Variants in LGI3 observed in about 807,000 individuals in gnomAD.
The protein encoded by LGI3 is leucine-rich repeat LGI family member 3.
In LGI3, 47 loss-of-function variants were observed where a neutral mutation model predicts 55.4. The ratio of observed to expected loss-of-function variants is 0.85; its 90% CI spans 0.67 to 1.08. LGI3 has a LOEUF of 1.08. Ranked by LOEUF, LGI3 falls within the 50% of genes least tolerant of loss-of-function variation. The probability of loss-of-function intolerance (pLI) is 0.00; values close to 1 mark genes in which losing one functional copy is unlikely to be tolerated. For synonymous variants in LGI3, 326 were observed against 315.0 expected, an observed-to-expected ratio of 1.04 and a Z score of -0.37; for missense variants, 664 against 726.3, an observed-to-expected ratio of 0.91 and a Z score of 0.99.
In LGI3 at chr8:22,156,657, GC is replaced by G; in HGVS notation, c.-116del. The G allele has an allele frequency of 3.5e-6, 1 of 285,276 alleles. No individual in the cohort carries two copies. Among genetic ancestry groups the G allele is most frequent in the Non-Finnish European group, 6.2e-6 (1 of 160,332 alleles). The allele number at this position is 285,276 out of a possible 1,614,324, so 17.7% of individuals were successfully genotyped here. The stretch of plus-strand genomic sequence containing the variant: ...CCTGCCACCGGCAGCTGCTACCGCA[GC>G]CAGGGGCCCGCCTGCGGACTCCTCC... On this transcript the variant is annotated 5_prime_UTR_variant, in exon 1 of 8. Coordinates refer to ENST00000306317, the MANE Select transcript of LGI3 (RefSeq NM_139278.4).
chr8:22,156,618 C>A lies in LGI3; in HGVS notation c.-76G>T, dbSNP rs1008663210. 22 of 413,470 alleles carry A rather than the reference C, an allele frequency of 5.3e-5. No individual in the cohort carries two copies. The highest frequency in any genetic ancestry group is 7.4e-5 in the Non-Finnish European group (20 of 269,308). The allele number at this position is 413,470 out of a possible 1,614,324, so 25.6% of individuals were successfully genotyped here. A position where few individuals can be genotyped will look rare whatever the true frequency, so the allele number is the denominator to read the frequency against. On this transcript the variant is annotated 5_prime_UTR_variant, in exon 1 of 8. Transcript: ENST00000306317. ...GCTCCCGCGGCTGGGCCACCCCGCGCGGGCTGGCACCTCCCTGCCACCGGC... is the reference window on the plus strand; with the variant it reads ...GCTCCCGCGGCTGGGCCACCCCGCGAGGGCTGGCACCTCCCTGCCACCGGC...
rs931490191 is a variant in LGI3 at position 22,154,422 on chromosome 8, G to C, written c.350+138C>G. ...CCTTCTGCTCAGGTCCTGCCATCAC[G>C]GGATGCAAGGGCTCTCGCCTCCCAT... On this transcript the variant is annotated intron_variant, in intron 3 of 7. Transcript: ENST00000306317. The C allele has an allele frequency of 3.1e-5, 26 of 839,884 alleles. No homozygotes were observed. The Middle Eastern group carries it at 1.1e-3, about 35-fold the overall frequency. 52.0% of individuals were successfully genotyped at this position (839,884 alleles called of 1,614,324 possible). A position where few individuals can be genotyped will look rare whatever the true frequency, so the allele number is the denominator to read the frequency against.
Position 22,156,466 on chromosome 8 carries a change from A to C in LGI3, c.77T>G (p.Leu26Arg). ...ALSALGFCLM[L>R]QVSAKRPPKT... ...GGGGGGCCTCTTAGCGCTGACTTGC[A>C]GCATGAGGCAGAAGCCGAGCGCGGA... is the stretch of plus-strand genomic sequence containing the variant. Residue 26 changes from leucine to arginine, a missense_variant, in exon 1 of 8, where the codon CTG becomes CGG. Coordinates refer to ENST00000306317, the MANE Select transcript of LGI3 (RefSeq NM_139278.4). 1 of 1,502,284 alleles carries C rather than the reference A, an allele frequency of 6.7e-7. No individual in the cohort carries two copies. Among genetic ancestry groups the C allele is most frequent in the Non-Finnish European group, 8.9e-7 (1 of 1,128,762 alleles). The allele number at this position is 1,502,284 out of a possible 1,614,324, so 93.1% of individuals were successfully genotyped here. A position where few individuals can be genotyped will look rare whatever the true frequency, so the allele number is the denominator to read the frequency against.
chr8:22,152,806 T>G (rs2131795614), intron 5 of LGI3, among the ~76,000 whole-genome samples: 1 of 149,658 alleles, frequency 6.7e-6, no homozygotes, highest in East Asian at 2.0e-4. Context: ...ATCTCAGCAC[T>G]TTGGGAGGCA....
rs750877588 is a variant in LGI3, at chr8:22,154,544, T to C, written c.350+16A>G. The C allele has an allele frequency of 2.5e-6, 4 of 1,612,134 alleles. No homozygotes were observed. Among genetic ancestry groups the C allele is most frequent in the Non-Finnish European group, 3.4e-6 (4 of 1,178,248 alleles). On this transcript the variant is annotated intron_variant, in intron 3 of 7. Transcript: ENST00000306317. ...CTCCCTTCTGCTTTCCCATTGCCCCTTTCCCTCCCACACACAGATACTGCA... is the reference window on the plus strand; with the variant it reads ...CTCCCTTCTGCTTTCCCATTGCCCCCTTCCCTCCCACACACAGATACTGCA...
At chr8:22,153,679 C>A (rs1044724678) in intron 5 of LGI3, among the ~76,000 whole-genome samples, 1 of 151,148 alleles carries the variant, frequency 6.6e-6, no homozygotes, top group Non-Finnish European at 1.5e-5. Flanking sequence ...TGTACTCCAG[C>A]CTGGGTGACA....
intron 2 of LGI3, chr8:22,155,186 C>T (rs1827470704): frequency 1.7e-5 from 10 of 593,348 alleles, no homozygotes; most frequent in East Asian, 1.1e-4. Context: ...TCTGTGCCAT[C>T]CCTAGCTGTC....
In LGI3 at chr8:22,148,799, G is replaced by A. The variant is rs763377356; in HGVS notation, c.1008C>T (p.Arg336=). ...CGGCAAAGTACCAGTCACCGTCGAT[G>A]CGGAAGGCTTCTAGGTCGTTAGGCT... ...VRKPNDLEAF[R]IDGDWYFAVA... is the part of the protein sequence containing the mutation. The change falls in exon 8 of 8, where the codon CGC becomes CGT. Residue 336 remains arginine, a synonymous_variant. Transcript: ENST00000306317. This position sits in a 1 kb window ranked among gnomAD's most constrained non-coding sequence, Gnocchi z 7.0. 40 of 1,614,100 alleles carry A rather than the reference G, an allele frequency of 2.5e-5. 1 individual carries two copies. The South Asian group carries it at 3.8e-4, about 16-fold the overall frequency.
At chr8:22,149,016 G>T in intron 7 of LGI3, 39 bp from the exon 8 acceptor site, 1 of 1,494,702 alleles carries the variant, frequency 6.7e-7, no homozygotes, top group Non-Finnish European at 9.0e-7. Context: ...AGGCAGGCCG[G>T]CGGCTCCCAC....
In LGI3 at chr8:22,154,603, T is replaced by C; in HGVS notation, c.307A>G (p.Ile103Val). 6.2e-7 allele frequency: 1 copy of C among 1,613,908 alleles called. No homozygotes were observed. Among genetic ancestry groups the C allele is most frequent in the East Asian group, 2.2e-5 (1 of 44,870 alleles). Residue 103 changes from isoleucine (I) to valine (V), a missense_variant, in exon 3 of 8, where the codon ATT (isoleucine) becomes GTT (valine). Coordinates refer to ENST00000306317, the MANE Select transcript of LGI3 (RefSeq NM_139278.4). ...AGTCCTGTGAAGGCGTTGTCTCCAA[T>C]CAGTGTAAACTTGTTGGAGTTGAGT... ...LLLNSNKFTL[I>V]GDNAFTGLSH...
rs540304763 is a variant in LGI3 at position 22,152,022 on chromosome 8, G to C, written c.495-22C>G. On this transcript the variant is annotated intron_variant, in intron 5 of 7. Transcript: ENST00000306317. ...GTCCCTGCATCATGAGGGCAGAGGA[G>C]GGGGGCACAGAGAAAGACATGCTCT... is the stretch of plus-strand genomic sequence containing the variant. The C allele has an allele frequency of 5.1e-6, 8 of 1,561,758 alleles. No homozygotes were observed. In the Admixed American group the frequency reaches 1.3e-4, roughly 25 times the overall value.
Position 22,156,588 on chromosome 8 carries a change from C to G in LGI3, c.-46G>C. The G allele has an allele frequency of 1.4e-6, 1 of 735,280 alleles. No homozygotes were observed. Among genetic ancestry groups the G allele is most frequent in the Non-Finnish European group, 1.8e-6 (1 of 548,044 alleles). The allele number at this position is 735,280 out of a possible 1,614,324, so 45.5% of individuals were successfully genotyped here. A position where few individuals can be genotyped will look rare whatever the true frequency, so the allele number is the denominator to read the frequency against. ...GGGGCCGGCGGCCGCGGCCCCCGCC[C>G]CACCGCTCCCGCGGCTGGGCCACCC... is the stretch of plus-strand genomic sequence containing the variant. On this transcript the variant is annotated 5_prime_UTR_variant, in exon 1 of 8. Transcript: ENST00000306317.
At position 22,148,508 on chromosome 8, in the gene LGI3, G is replaced by A. The variant is rs1827335723; in HGVS notation, c.1299C>T (p.Arg433=). 9 of 1,613,234 alleles carry A rather than the reference G, an allele frequency of 5.6e-6. No homozygotes were observed. Among genetic ancestry groups the A allele is most frequent in the South Asian group, 2.2e-5 (2 of 91,056 alleles). Residue 433 remains arginine (R), a synonymous_variant, in exon 8 of 8, where the codon CGC becomes CGT. Transcript: ENST00000306317. The surrounding 1 kb of genome is among the most constrained non-coding windows in gnomAD (Gnocchi z 7.0). ...AQAVKHFRAG[R]DSYLCLSRYI... ...AGCGGCTGAGGCACAGGTAGCTGTC[G>A]CGGCCGGCACGAAAGTGTTTCACAG... is the stretch of plus-strand genomic sequence containing the variant.
chr8:22,153,334 C>T (rs188355841), intron 5 of LGI3, among the ~76,000 whole-genome samples: 6,992 of 151,326 alleles, frequency 0.046, 514 homozygotes, highest in African/African-American at 0.16. Flanking sequence ...ATTCGCCCTC[C>T]TTGGCCTCCC....
At chr8:22,152,568 C>T (rs1827393036) in intron 5 of LGI3, among the ~76,000 whole-genome samples, 1 of 151,772 alleles carries the variant, frequency 6.6e-6, no homozygotes, top group Non-Finnish European at 1.5e-5. Context: ...GTGGTGAAAT[C>T]CCATCTCTAC....
At chr8:22,151,682 A>G in intron 6 of LGI3, 29 bp from the exon 7 acceptor site, 1 of 1,609,642 alleles carries the variant, frequency 6.2e-7, no homozygotes, top group Non-Finnish European at 8.5e-7. Flanking sequence ...GTTACTGAAG[A>G]CCAGAGGGAG....
chr8:22,152,872 G>A (rs1827398060), intron 5 of LGI3, among the ~76,000 whole-genome samples: 1 of 151,432 alleles, frequency 6.6e-6, no homozygotes, highest in Non-Finnish European at 1.5e-5. Flanking sequence ...CCAACATGGA[G>A]AAACCCCATC....
Position 22,152,773 on chromosome 8 carries a change from G to A in LGI3, c.495-773C>T, listed in dbSNP as rs114346628. 9.9e-3 allele frequency among the ~76,000 whole-genome samples: 1,468 copies of A among 147,808 alleles called. 22 individuals carry two copies. Among genetic ancestry groups the A allele is most frequent in the African/African-American group, 0.035 (1,403 of 40,182 alleles). On this transcript the variant is annotated intron_variant, in intron 5 of 7. Transcript: ENST00000306317. ...AAAAAAAAAAAAGCACATGTTGGCCGCGCACAGTGGCTCAGGCCTGTAATC... is the reference window on the plus strand; with the variant it reads ...AAAAAAAAAAAAGCACATGTTGGCCACGCACAGTGGCTCAGGCCTGTAATC...
Position 22,147,912 on chromosome 8 carries a change from C to T in LGI3, c.*248G>A, listed in dbSNP as rs1827325835. 2 of 497,982 alleles carry T rather than the reference C, an allele frequency of 4.0e-6. No homozygotes were observed. The highest frequency in any genetic ancestry group is 3.8e-5 in the Admixed American group (1 of 26,058). The allele number at this position is 497,982 out of a possible 1,614,324, so 30.8% of individuals were successfully genotyped here. The stretch of plus-strand genomic sequence containing the variant: ...AAGGCTGCAGAGTAGGGGGGGCCTG[C>T]AGTTGGGGTCACGGGAACTGGGCGT... On this transcript the variant is annotated 3_prime_UTR_variant, in exon 8 of 8. Transcript: ENST00000306317.
Sources: allele counts gnomAD v4.1 joint callset (sites outside exome capture counted in the v4.1 genomes callset), GRCh38; gene constraint gnomAD v4.1.1; non-coding constraint Gnocchi (gnomAD v3.1); transcripts MANE v1.5; gene names NCBI Gene and HGNC (gene_info 2026-07-23, HGNC 2026-07-21).